The following USP4 variants were observed in gnomAD, a reference collection of about 807,000 sequenced individuals.
USP4 encodes ubiquitin specific peptidase 4.
A neutral mutation model predicts 118.2 loss-of-function variants in USP4; 72 were observed. That is an observed-to-expected ratio of 0.61 (90% confidence interval 0.50 to 0.74). The LOEUF (loss-of-function observed/expected upper bound fraction) is 0.74, where lower values mean the gene tolerates loss of function less well. Among genes scored for constraint, USP4 ranks in the 30% least tolerant of loss-of-function variants. The pLI, the probability that USP4 is intolerant of heterozygous loss-of-function variation, is 0.00. For synonymous variants in USP4, 415 were observed against 440.4 expected (o/e 0.94, Z 0.72); for missense variants, 1,037 against 1,185.7 (o/e 0.87, Z 1.84).
chr3:49,280,170 C>T (rs1359274459), intron 20 of USP4, among the ~76,000 whole-genome samples: 1 of 148,976 alleles, frequency 6.7e-6, no homozygotes, highest in Non-Finnish European at 1.5e-5. Context: ...GGCTGAGGCA[C>T]GAGAATCGCT....
intron 19 of USP4, among the ~76,000 whole-genome samples, chr3:49,282,555 G>C (rs940660907): frequency 6.6e-6 from 1 of 152,048 alleles, no homozygotes; most frequent in African/African-American, 2.4e-5. Context: ...GGGATTACAG[G>C]TGTGAGCCAC....
Position 49,277,511 on chromosome 3 carries a change from G to A in USP4, c.*782C>T, listed in dbSNP as rs1483216208. 1 of 212,650 alleles carries A rather than the reference G, an allele frequency of 4.7e-6. No homozygotes were observed. Among genetic ancestry groups the A allele is most frequent in the Non-Finnish European group, 9.8e-6 (1 of 101,892 alleles). 13.2% of individuals were successfully genotyped at this position (212,650 alleles called of 1,614,324 possible). A position where few individuals can be genotyped will look rare whatever the true frequency, so the allele number is the denominator to read the frequency against. ...CCGGCTAACTCCCACAAAGATTTCT[G>A]TTCTCAAGCCAACATGGAAACAACT... On this transcript the variant is annotated 3_prime_UTR_variant, in exon 22 of 22. Coordinates refer to ENST00000265560, the MANE Select transcript of USP4 (RefSeq NM_003363.4).
At chr3:49,325,894 A>G (rs1169879467) in intron 3 of USP4, 49 bp from the exon 4 acceptor site, 1 of 1,604,884 alleles carries the variant, frequency 6.2e-7, no homozygotes, top group African/African-American at 1.3e-5. Flanking sequence ...GCAGCTGGGC[A>G]GTCTTGGATG....
At chr3:49,280,895 A>G in intron 19 of USP4, 48 bp from the exon 20 acceptor site, 1 of 1,554,676 alleles carries the variant, frequency 6.4e-7, no homozygotes, top group Non-Finnish European at 8.8e-7. Flanking sequence ...AAACCCAAAC[A>G]AAGTAGTTAA....
chr3:49,317,303 G>C (rs781325931), intron 6 of USP4: 2 of 1,459,522 alleles, frequency 1.4e-6, no homozygotes, highest in East Asian at 4.8e-5. Context: ...ACGCAGGCCA[G>C]CTTCTCTGTC....
chr3:49,278,357 G>A lies in USP4; in HGVS notation c.2828C>T (p.Thr943Ile). The A allele has an allele frequency of 2.5e-6, 4 of 1,614,078 alleles. No homozygotes were observed. The highest frequency in any genetic ancestry group is 2.5e-6 in the Non-Finnish European group (3 of 1,180,024). Residue 943 changes from threonine to isoleucine, a missense_variant, in exon 22 of 22, where the codon ACA (threonine) becomes ATA (isoleucine). Physicochemically the swap from Thr to Ile is moderately conservative, Grantham distance 89 (BLOSUM62 -1). Transcript: ENST00000265560. ...GCCCTGCTGAGAGCTGCTTGGTCGT[G>A]TCCCTCCATCAGAGGAACCAGAACT... ...LSSSGSSDGG[T>I]RPSSSQQGFG...
chr3:49,335,393 T>C, intron 2 of USP4, 76 bp downstream of exon 2: 1 of 1,592,566 alleles, frequency 6.3e-7, no homozygotes. Context: ...GTTCACAACG[T>C]CCATGTTACA....
At chr3:49,301,798 T>G (rs1268859004) in intron 10 of USP4, among the ~76,000 whole-genome samples, 2 of 152,206 alleles carry the variant, frequency 1.3e-5, no homozygotes, top group Non-Finnish European at 2.9e-5. Context: ...GCATTCATAT[T>G]GATTATCCCA....
At chr3:49,309,698 C>T (rs2047361487) in intron 8 of USP4, among the ~76,000 whole-genome samples, 1 of 137,858 alleles carries the variant, frequency 7.3e-6, no homozygotes. Flanking sequence ...GCAATCTCGG[C>T]TCACTGCAAC....
chr3:49,284,172 G>A (rs558533180), intron 18 of USP4, 36 bp from the exon 19 acceptor site: 133 of 1,613,110 alleles, frequency 8.2e-5, no homozygotes, highest in Non-Finnish European at 9.9e-5. Flanking sequence ...AGGGCAAGCC[G>A]GCAGCCAGTG....
chr3:49,278,142 C>CTTT lies in USP4; in HGVS notation c.*148_*150dup. The CTTT allele has an allele frequency of 1.3e-5, 9 of 673,548 alleles. No individual in the cohort carries two copies. In the South Asian group the frequency reaches 2.1e-4, roughly 16 times the overall value. The allele number at this position is 673,548 out of a possible 1,614,324, so 41.7% of individuals were successfully genotyped here. A position where few individuals can be genotyped will look rare whatever the true frequency, so the allele number is the denominator to read the frequency against. On this transcript the variant is annotated 3_prime_UTR_variant, in exon 22 of 22. Coordinates refer to ENST00000265560, the MANE Select transcript of USP4 (RefSeq NM_003363.4). ...TAGCTTCTTCTAGGTAAACGGTCTT[C>CTTT]TTTTTTTTTTTTTGTTTCCTTCTGC...
intron 9 of USP4, among the ~76,000 whole-genome samples, chr3:49,303,952 A>C (rs1346067484): frequency 1.3e-5 from 2 of 151,790 alleles, no homozygotes; most frequent in Non-Finnish European, 2.9e-5. Context: ...GGGGTTTCAC[A>C]ATATTGGCCA....
Position 49,277,359 on chromosome 3 carries a change from C to A in USP4, c.*934G>T. On this transcript the variant is annotated 3_prime_UTR_variant, in exon 22 of 22. Coordinates refer to ENST00000265560, the MANE Select transcript of USP4 (RefSeq NM_003363.4). The stretch of plus-strand genomic sequence containing the variant: ...GCTGGCCCCGCGGTGGGAGTGGGGA[C>A]GGGGCTTTCGAATGGGGGCCCCGGG... 1.4e-6 allele frequency: 1 copy of A among 718,666 alleles called. No homozygotes were observed. Among genetic ancestry groups the A allele is most frequent in the Non-Finnish European group, 2.0e-6 (1 of 507,622 alleles). 44.5% of individuals were successfully genotyped at this position (718,666 alleles called of 1,614,324 possible).
chr3:49,288,264 G>A (rs576655026), intron 15 of USP4, among the ~76,000 whole-genome samples: 43 of 152,308 alleles, frequency 2.8e-4, no homozygotes, highest in African/African-American at 9.6e-4. Context: ...ATCCCACTCA[G>A]GAAATGAGCA....
At chr3:49,283,877 C>T in intron 19 of USP4, 110 bp downstream of exon 19, 1 of 1,342,016 alleles carries the variant, frequency 7.5e-7, no homozygotes, top group Non-Finnish European at 1.0e-6. Flanking sequence ...ACCCCGGCAA[C>T]ACACATCCTT....
chr3:49,302,480 C>G lies in USP4; in HGVS notation c.1191G>C (p.Leu397=). 6.2e-7 allele frequency: 1 copy of G among 1,614,190 alleles called. No individual in the cohort carries two copies. The highest frequency in any genetic ancestry group is 1.7e-5 in the Admixed American group (1 of 60,022). The change falls in exon 10 of 22, where the codon CTG becomes CTC. Residue 397 remains leucine, a synonymous_variant. Transcript: ENST00000265560. ...SGYQQQDSQE[L]LAFLLDGLHE... The stretch of plus-strand genomic sequence containing the variant: ...GCAATCCATCTAGAAGAAAGGCCAG[C>G]AGCTCCTGAGAATCTTGTTGCTGGT...
rs1179704387 is a variant in USP4 at position 49,278,150 on chromosome 3, T to C, written c.*143A>G. 4.2e-6 allele frequency: 4 copies of C among 941,574 alleles called. No homozygotes were observed. The highest frequency in any genetic ancestry group is 6.0e-6 in the Non-Finnish European group (4 of 669,240). 58.3% of individuals were successfully genotyped at this position (941,574 alleles called of 1,614,324 possible). On this transcript the variant is annotated 3_prime_UTR_variant, in exon 22 of 22. Coordinates refer to ENST00000265560, the MANE Select transcript of USP4 (RefSeq NM_003363.4). ...TCTAGGTAAACGGTCTTCTTTTTTT[T>C]TTTTTGTTTCCTTCTGCTCATAAAA...
Position 49,278,240 on chromosome 3 carries a change from TCTC to T in USP4, c.*50_*52del, listed in dbSNP as rs1189551483. 1 of 1,582,976 alleles carries T rather than the reference TCTC, an allele frequency of 6.3e-7. No individual in the cohort carries two copies. Among genetic ancestry groups the T allele is most frequent in the African/African-American group, 1.4e-5 (1 of 73,850 alleles). ...GCAGTCTGCAGAGTGTCAAAGATGT[TCTC>T]CTGGGGGATTACACTGGCGCTACAG... On this transcript the variant is annotated 3_prime_UTR_variant, in exon 22 of 22. Coordinates refer to ENST00000265560, the MANE Select transcript of USP4 (RefSeq NM_003363.4).
rs142524351 is a variant in USP4, at chr3:49,310,687, T to C, written c.887A>G (p.His296Arg). The change falls in exon 8 of 22, where the codon CAT (histidine) becomes CGT (arginine). Residue 296 changes from histidine (H) to arginine (R), a missense_variant. His to Arg is a conservative substitution (Grantham distance 29). Transcript: ENST00000265560. Reference sequence around the variant, plus strand: ...AAGTCCACAGAGCCCAGGTTGTATATGAGAGGATGGTGGCTCCTGACAATT... The same window carrying C: ...AAGTCCACAGAGCCCAGGTTGTATACGAGAGGATGGTGGCTCCTGACAATT... ...SYNCQEPPSS[H>R]IQPGLCGLGN... 25 of 1,614,018 alleles carry C rather than the reference T, an allele frequency of 1.5e-5. No homozygotes were observed. The highest frequency in any genetic ancestry group is 1.6e-4 in the Middle Eastern group (1 of 6,084).
Sources: allele counts gnomAD v4.1 joint callset (sites outside exome capture counted in the v4.1 genomes callset), GRCh38; gene constraint gnomAD v4.1.1; transcripts MANE v1.5; gene names NCBI Gene and HGNC (gene_info 2026-07-23, HGNC 2026-07-21).